The following CADPS variants were observed in gnomAD, a reference collection of about 807,000 sequenced individuals.
CADPS encodes the protein calcium dependent secretion activator.
In CADPS, 57 loss-of-function variants were observed where a neutral mutation model predicts 167.3. That is an observed-to-expected ratio of 0.34 (90% CI 0.28 to 0.42). The LOEUF (loss-of-function observed/expected upper bound fraction) is 0.42, where lower values mean the gene tolerates loss of function less well. Ranked by LOEUF, CADPS falls within the 20% of genes least tolerant of loss-of-function variation. The pLI is 1.00. For missense variants in CADPS, 1,414 were observed against 1,738.1 expected (o/e 0.81, Z 3.32); for synonymous variants, 676 against 635.3 (o/e 1.06, Z -0.96).
chr3:62,763,269 C>G (rs761038274), intron 2 of CADPS, among the ~76,000 whole-genome samples: 2 of 152,278 alleles, frequency 1.3e-5, no homozygotes, highest in East Asian at 1.9e-4. Flanking sequence ...CAGGGGTGTT[C>G]TCTTTGCTCC....
chr3:62,555,193 C>T (rs1225085762), intron 10 of CADPS, among the ~76,000 whole-genome samples: 1 of 152,220 alleles, frequency 6.6e-6, no homozygotes, highest in African/African-American at 2.4e-5. Flanking sequence ...GCTTATTATT[C>T]TCAAGAACAT....
chr3:62,569,409 G>T (rs933833840), intron 9 of CADPS, among the ~76,000 whole-genome samples: 1 of 152,182 alleles, frequency 6.6e-6, no homozygotes, highest in Non-Finnish European at 1.5e-5. Flanking sequence ...GCAGCCGTGG[G>T]TTATTCTGAG....
At chr3:62,509,585 T>C (rs1031133804) in intron 17 of CADPS, among the ~76,000 whole-genome samples, 3 of 152,168 alleles carry the variant, frequency 2.0e-5, no homozygotes, top group African/African-American at 7.2e-5. Context: ...ACAATCTTCC[T>C]GGAAGTCCTT....
At chr3:62,432,355 C>G (rs1209761809) in intron 28 of CADPS, among the ~76,000 whole-genome samples, 1 of 152,084 alleles carries the variant, frequency 6.6e-6, no homozygotes, top group Non-Finnish European at 1.5e-5. Context: ...GTGGCAGAAC[C>G]AAGTTTCCTC....
At chr3:62,609,886 T>G (rs1213236837) in intron 6 of CADPS, among the ~76,000 whole-genome samples, 1 of 152,056 alleles carries the variant, frequency 6.6e-6, no homozygotes, top group Non-Finnish European at 1.5e-5. Flanking sequence ...GCTCAGGAGT[T>G]AAGAGAACAG....
intron 9 of CADPS, among the ~76,000 whole-genome samples, chr3:62,568,598 T>C (rs1212946692): frequency 6.6e-6 from 1 of 152,174 alleles, no homozygotes; most frequent in Admixed American, 6.5e-5. Context: ...TTGGCTTCCT[T>C]TGTTTTGAGG....
intron 4 of CADPS, among the ~76,000 whole-genome samples, chr3:62,657,436 C>T (rs1206297694): frequency 6.6e-6 from 1 of 152,140 alleles, no homozygotes; most frequent in African/African-American, 2.4e-5. Context: ...TGGCAAATAT[C>T]ACAGCAGCAC....
chr3:62,714,567 A>G (rs1245404356), intron 3 of CADPS, among the ~76,000 whole-genome samples: 2 of 152,190 alleles, frequency 1.3e-5, no homozygotes, highest in African/African-American at 2.4e-5. Flanking sequence ...AAAGCAAGAC[A>G]TAGAAAGAAG....
chr3:62,743,136 A>G (rs1412855627), intron 3 of CADPS, among the ~76,000 whole-genome samples: 1 of 152,216 alleles, frequency 6.6e-6, no homozygotes, highest in African/African-American at 2.4e-5. Context: ...GATGTTGGAA[A>G]GGCTGTTAAG....
At chr3:62,600,470 T>C (rs2059797298) in intron 6 of CADPS, among the ~76,000 whole-genome samples, 1 of 152,184 alleles carries the variant, frequency 6.6e-6, no homozygotes, top group Non-Finnish European at 1.5e-5. Flanking sequence ...GACATGTGTG[T>C]CTATTCCAAA....
At chr3:62,720,984 A>AT (rs1236410711) in intron 3 of CADPS, among the ~76,000 whole-genome samples, 3 of 151,170 alleles carry the variant, frequency 2.0e-5, no homozygotes, top group Non-Finnish European at 2.9e-5. Context: ...CGCCCGGCTA[A>AT]TTTTTTGTAT....
chr3:62,626,234 G>C (rs1323733266), intron 6 of CADPS: 1 of 275,724 alleles, frequency 3.6e-6, no homozygotes, highest in Non-Finnish European at 6.7e-6. Flanking sequence ...AGAAGACAAA[G>C]CCAGCTAAGG....
intron 1 of CADPS, among the ~76,000 whole-genome samples, chr3:62,853,654 A>G (rs918736398): frequency 1.1e-4 from 16 of 151,680 alleles, no homozygotes; most frequent in African/African-American, 3.6e-4. Context: ...AGAAAAGAAA[A>G]GAAAGCATCT....
At chr3:62,475,600 A>C (rs1236802272) in intron 23 of CADPS, among the ~76,000 whole-genome samples, 5 of 150,372 alleles carry the variant, frequency 3.3e-5, no homozygotes, top group South Asian at 2.1e-4. Flanking sequence ...AAAAAAAAAA[A>C]AAAAAAAAAA....
chr3:62,728,588 T>C lies in CADPS; in HGVS notation c.888+24853A>G, dbSNP rs1014578602. Among the ~76,000 whole-genome samples, 6 of 151,862 alleles carry C rather than the reference T, an allele frequency of 4.0e-5. 1 individual carries two copies. The highest frequency in any genetic ancestry group is 3.9e-4 in the Admixed American group (6 of 15,246). On this transcript the variant is annotated intron_variant, in intron 3 of 29. Coordinates refer to ENST00000383710, the MANE Select transcript of CADPS (RefSeq NM_003716.4). The stretch of plus-strand genomic sequence containing the variant: ...AACTAGAGCTGGAGCTTGAGGGAGA[T>C]TTTGGATTCATTGTTGTTTCATTTC...
chr3:62,719,207 A>G (rs2075274083), intron 3 of CADPS, among the ~76,000 whole-genome samples: 1 of 152,214 alleles, frequency 6.6e-6, no homozygotes, highest in African/African-American at 2.4e-5. Context: ...GTCTTTTATC[A>G]TAGCCCTCCT....
chr3:62,732,364 C>A (rs1413992043), intron 3 of CADPS, among the ~76,000 whole-genome samples: 1 of 152,148 alleles, frequency 6.6e-6, no homozygotes, highest in Non-Finnish European at 1.5e-5. Context: ...AGTCCAACAG[C>A]CCACAAGGAA....
chr3:62,800,573 T>G (rs565444203), intron 1 of CADPS, among the ~76,000 whole-genome samples: 33 of 152,314 alleles, frequency 2.2e-4, no homozygotes, highest in African/African-American at 7.5e-4. Context: ...TTATTAAATA[T>G]AGAAATATGT....
At chr3:62,626,337 A>G in intron 6 of CADPS, 1 of 468,790 alleles carries the variant, frequency 2.1e-6, no homozygotes, top group East Asian at 3.2e-5. Flanking sequence ...GCAAGCTGGC[A>G]CGGATTTACT....
Sources: gnomAD v4.1 joint callset for allele counts (sites outside exome capture counted in the v4.1 genomes callset) on GRCh38, gnomAD v4.1.1 for gene constraint, MANE v1.5 for transcripts, NCBI Gene and HGNC (gene_info 2026-07-23, HGNC 2026-07-21) for gene names.